The following ERAP1 variants were observed in gnomAD, a reference collection of about 807,000 sequenced individuals.
The protein encoded by ERAP1 is endoplasmic reticulum aminopeptidase 1.
ERAP1 carries 86 observed loss-of-function variants against 103.7 expected under a neutral mutation model. That is an observed-to-expected ratio of 0.83 (90% confidence interval 0.70 to 0.99). ERAP1 has a LOEUF of 0.99. Ranked by LOEUF, ERAP1 falls within the 50% of genes least tolerant of loss-of-function variation. The pLI is 0.00. For synonymous variants in ERAP1, 398 were observed against 402.4 expected, an observed-to-expected ratio of 0.99 and a Z score of 0.13; for missense variants, 1,009 against 1,128.4, an observed-to-expected ratio of 0.89 and a Z score of 1.52.
chr5:96,821,637 A>C, the ERAP1 span, among the ~76,000 whole-genome samples: 5 of 152,210 alleles, frequency 3.3e-5, no homozygotes, highest in African/African-American at 1.2e-4. Flanking sequence ...CTAAGAGCTC[A>C]GTGAAAGCTA....
At chr5:96,904,030 T>A in the ERAP1 span, among the ~76,000 whole-genome samples, 1 of 152,210 alleles carries the variant, frequency 6.6e-6, no homozygotes, top group African/African-American at 2.4e-5. Flanking sequence ...CTACACCAAA[T>A]ACCGGTGTAA....
chr5:96,895,623 G>A, the ERAP1 span, among the ~76,000 whole-genome samples: 1 of 152,182 alleles, frequency 6.6e-6, no homozygotes, highest in Non-Finnish European at 1.5e-5. Context: ...TATGTGGGTT[G>A]AGAGGAAAGA....
the ERAP1 span, among the ~76,000 whole-genome samples, chr5:96,842,948 T>G: frequency 6.6e-6 from 1 of 152,206 alleles, no homozygotes; most frequent in African/African-American, 2.4e-5. Context: ...CATCTTGAGT[T>G]GAATTTTGTA....
the ERAP1 span, among the ~76,000 whole-genome samples, chr5:96,830,620 G>A: frequency 3.3e-5 from 5 of 152,142 alleles, no homozygotes; most frequent in Admixed American, 6.5e-5. Flanking sequence ...TTCAGCAAAC[G>A]AGCATGTAGC....
chr5:96,821,677 C>G, the ERAP1 span, among the ~76,000 whole-genome samples: 1 of 152,142 alleles, frequency 6.6e-6, no homozygotes, highest in Non-Finnish European at 1.5e-5. Flanking sequence ...AAAGAGACAT[C>G]GAGATAGCAG....
At chr5:96,866,596 T>C in the ERAP1 span, among the ~76,000 whole-genome samples, 1 of 152,172 alleles carries the variant, frequency 6.6e-6, no homozygotes, top group African/African-American at 2.4e-5. Context: ...TAATAGCCAA[T>C]GTCATTCCCG....
At chr5:96,781,237 G>C in intron 16 of ERAP1, 39 bp from the exon 17 acceptor site, 2 of 1,587,318 alleles carry the variant, frequency 1.3e-6, no homozygotes, top group Non-Finnish European at 1.7e-6. Context: ...CAATGAATAG[G>C]TGATGAAACA....
chr5:96,823,151 T>C, the ERAP1 span: 2 of 456,038 alleles, frequency 4.4e-6, no homozygotes, highest in South Asian at 3.1e-5. Flanking sequence ...AGACAGAGAC[T>C]CCATTAGGGT....
At position 96,801,854 on chromosome 5, in the gene ERAP1, CAAAAAAAA is replaced by C. The variant is rs59332218; in HGVS notation, c.525-862_525-855del. On this transcript the variant is annotated intron_variant, in intron 2 of 18. Coordinates refer to ENST00000443439, the MANE Select transcript of ERAP1 (RefSeq NM_001040458.3). ...GTGACAGAGCAAGACTCCGTCTCGA[CAAAAAAAA>C]AAAAAAAAAAAAAAAAAAAATCCCC... is the stretch of plus-strand genomic sequence containing the variant. Among the ~76,000 whole-genome samples the C allele has an allele frequency of 1.1e-4, 6 of 54,690 alleles. No homozygotes were observed. In the East Asian group the frequency reaches 2.7e-3, roughly 25 times the overall value. 35.9% of individuals were successfully genotyped at this position (54,690 alleles called of 152,430 possible).
the ERAP1 span, among the ~76,000 whole-genome samples, chr5:96,884,837 A>G: frequency 6.6e-6 from 1 of 152,110 alleles, no homozygotes; most frequent in African/African-American, 2.4e-5. Context: ...TCTTTTGGAC[A>G]CTTATTTGTC....
chr5:96,856,570 G>A, the ERAP1 span, among the ~76,000 whole-genome samples: 2 of 151,798 alleles, frequency 1.3e-5, no homozygotes, highest in African/African-American at 2.4e-5. Context: ...CATTTATGGA[G>A]CTAGAGCTAG....
chr5:96,898,011 A>G, the ERAP1 span, among the ~76,000 whole-genome samples: 1 of 152,158 alleles, frequency 6.6e-6, no homozygotes, highest in African/African-American at 2.4e-5. Flanking sequence ...AGCCTGGCCA[A>G]TTCGTGGAAC....
chr5:96,920,930 A>T, the ERAP1 span, among the ~76,000 whole-genome samples: 2 of 152,234 alleles, frequency 1.3e-5, no homozygotes, highest in South Asian at 4.1e-4. Flanking sequence ...TTTCCTTAAA[A>T]GGGTGTTAAT....
chr5:96,810,710 T>A (rs1314959713), upstream of ERAP1, among the ~76,000 whole-genome samples: 1 of 152,230 alleles, frequency 6.6e-6, no homozygotes, highest in Non-Finnish European at 1.5e-5. Context: ...CCTAGGCCAA[T>A]GAAATACATA....
upstream of ERAP1, chr5:96,807,993 G>T: frequency 1.0e-6 from 1 of 985,650 alleles, no homozygotes; most frequent in Non-Finnish European, 1.2e-6. Context: ...TTCGGCCCGA[G>T]CCCTAGCGGC....
At position 96,800,904 on chromosome 5, in the gene ERAP1, A is replaced by C; in HGVS notation, c.621T>G (p.Ile207Met). 1 of 1,614,140 alleles carries C rather than the reference A, an allele frequency of 6.2e-7. No homozygotes were observed. The highest frequency in any genetic ancestry group is 8.5e-7 in the Non-Finnish European group (1 of 1,180,016). Reference protein sequence around the residue: ...PAFKASFSIKIRREPRHLAIS... With the variant: ...PAFKASFSIKMRREPRHLAIS... ...TGGCTAGGTGCCTTGGCTCTCTTCT[A>C]ATTTTGATTGAGAAACTTGCTTTGA... Residue 207 changes from isoleucine to methionine, a missense_variant, in exon 3 of 19, where the codon ATT becomes ATG. Ile to Met is a conservative substitution (Grantham distance 10). This residue lies in a region of ERAP1 where 392 missense variants were observed against 455.2 expected (regional missense o/e 0.86). Transcript: ENST00000443439.
At chr5:96,766,239 A>G (rs1769891696) in intron 19 of ERAP1, 1 of 721,380 alleles carries the variant, frequency 1.4e-6, no homozygotes, top group Non-Finnish European at 2.4e-6. Context: ...ACTCCTTTAC[A>G]ATAGCATAAA....
At chr5:96,916,456 C>CTTTTTTTT in the ERAP1 span, among the ~76,000 whole-genome samples, 8 of 97,640 alleles carry the variant, frequency 8.2e-5, no homozygotes, top group Admixed American at 1.3e-4. Flanking sequence ...TTCTAGTTAT[C>CTTTTTTTT]TTTTTTTTTT....
At chr5:96,875,681 T>C in the ERAP1 span, among the ~76,000 whole-genome samples, 442 of 152,220 alleles carry the variant, frequency 2.9e-3, no homozygotes, top group African/African-American at 1.0e-2. Flanking sequence ...GGTGTTTATC[T>C]GGGGAAAGAA....
Sources: allele counts gnomAD v4.1 joint callset (sites outside exome capture counted in the v4.1 genomes callset), GRCh38; gene constraint gnomAD v4.1.1; regional missense constraint gnomAD v4.1.1; transcripts MANE v1.5; gene names NCBI Gene and HGNC (gene_info 2026-07-23, HGNC 2026-07-21).